Variants in NXPE2 observed in about 807,000 individuals in gnomAD.
NXPE2 encodes NXPE family member 2.
In NXPE2, 34 loss-of-function variants were observed where a neutral mutation model predicts 34.4. The ratio of observed to expected loss-of-function variants is 0.99; its 90% confidence interval spans 0.75 to 1.31. The LOEUF (loss-of-function observed/expected upper bound fraction) is 1.31. Ranked by LOEUF, NXPE2 falls within the 40% of genes most tolerant of loss-of-function variation. NXPE2 has a pLI of 0.00. For missense variants in NXPE2, 649 were observed against 672.5 expected (o/e 0.97, Z 0.39); for synonymous variants, 235 against 231.3 (o/e 1.02, Z -0.15).
chr11:114,703,688 A>AGAT (rs1951413035), intron 3 of NXPE2, among the ~76,000 whole-genome samples: 1 of 24,622 alleles, frequency 4.1e-5, no homozygotes, highest in Admixed American at 3.7e-4. Context: ...ATAGATAGAT[A>AGAT]GATAGATAGA....
chr11:114,647,705 A>ATTTTTT, the NXPE2 span, among the ~76,000 whole-genome samples: 2 of 147,456 alleles, frequency 1.4e-5, no homozygotes, highest in Non-Finnish European at 1.5e-5. Flanking sequence ...ATTTTATTTT[A>ATTTTTT]TTTTTTTTTT....
the NXPE2 span, among the ~76,000 whole-genome samples, chr11:114,593,552 G>T: frequency 2.0e-5 from 3 of 152,048 alleles, no homozygotes; most frequent in Admixed American, 1.3e-4. Flanking sequence ...GTGGAGAAAA[G>T]GGAACACTTG....
chr11:114,772,556 G>T, the NXPE2 span, among the ~76,000 whole-genome samples: 2 of 152,140 alleles, frequency 1.3e-5, no homozygotes, highest in Middle Eastern at 6.8e-3. Context: ...TCTTTGAAGG[G>T]TTAATTTGCC....
chr11:114,728,095 T>G, the NXPE2 span, among the ~76,000 whole-genome samples: 2 of 152,078 alleles, frequency 1.3e-5, no homozygotes. Context: ...AAATCAGCAA[T>G]GTAACGTCCT....
chr11:114,601,564 T>TTATATATAA, the NXPE2 span, among the ~76,000 whole-genome samples: 9 of 98,716 alleles, frequency 9.1e-5, no homozygotes, highest in African/African-American at 3.3e-4. Flanking sequence ...TTATATATAA[T>TTATATATAA]TATATATTAT....
chr11:114,472,626 G>A, the NXPE2 span, among the ~76,000 whole-genome samples: 2 of 152,240 alleles, frequency 1.3e-5, no homozygotes, highest in East Asian at 3.9e-4. Flanking sequence ...TAGAGGCTGG[G>A]AAGTCCAAGA....
chr11:114,565,121 C>T, the NXPE2 span, among the ~76,000 whole-genome samples: 132 of 152,278 alleles, frequency 8.7e-4, no homozygotes, highest in African/African-American at 3.0e-3. Context: ...TTTTAGCCAT[C>T]AATGGAAAAT....
At chr11:114,780,069 G>T in the NXPE2 span, among the ~76,000 whole-genome samples, 28 of 152,290 alleles carry the variant, frequency 1.8e-4, no homozygotes, top group South Asian at 8.3e-4. Context: ...TGTGTCCACT[G>T]CCTCCCCGTC....
At chr11:114,523,141 C>G in the NXPE2 span, 1 of 1,336,804 alleles carries the variant, frequency 7.5e-7, no homozygotes, top group South Asian at 1.2e-5. Flanking sequence ...ACTTAGACAT[C>G]TAGCCTTCTT....
the NXPE2 span, among the ~76,000 whole-genome samples, chr11:114,593,111 T>C: frequency 2.0e-5 from 3 of 152,210 alleles, no homozygotes; most frequent in East Asian, 5.8e-4. Flanking sequence ...AGGACACTGA[T>C]GTAGCCAGAG....
At chr11:114,504,366 C>T in the NXPE2 span, among the ~76,000 whole-genome samples, 5 of 152,236 alleles carry the variant, frequency 3.3e-5, no homozygotes, top group South Asian at 1.0e-3. Context: ...AGACCTGTGC[C>T]ACCCCAAGCC....
the NXPE2 span, among the ~76,000 whole-genome samples, chr11:114,640,759 A>G: frequency 6.6e-6 from 1 of 151,992 alleles, no homozygotes; most frequent in Non-Finnish European, 1.5e-5. Context: ...TCTTCTTTTG[A>G]AAAATGTGTG....
chr11:114,687,362 AAT>A (rs887026360), intron 2 of NXPE2, among the ~76,000 whole-genome samples: 26 of 152,196 alleles, frequency 1.7e-4, no homozygotes, highest in Admixed American at 7.9e-4. Flanking sequence ...CCATTTATTG[AAT>A]ACGTTATCCT....
At chr11:114,580,199 T>C in the NXPE2 span, 1 of 1,613,962 alleles carries the variant, frequency 6.2e-7, no homozygotes, top group Non-Finnish European at 8.5e-7. Flanking sequence ...GGTATATGAG[T>C]TTTCCTCTCA....
the NXPE2 span, among the ~76,000 whole-genome samples, chr11:114,725,686 A>C: frequency 6.6e-6 from 1 of 151,906 alleles, no homozygotes; most frequent in Non-Finnish European, 1.5e-5. Flanking sequence ...TCAGTCTCTC[A>C]TCAGCATCCC....
At chr11:114,511,666 G>A in the NXPE2 span, among the ~76,000 whole-genome samples, 1 of 152,226 alleles carries the variant, frequency 6.6e-6, no homozygotes, top group South Asian at 2.1e-4. Flanking sequence ...ATGTTGAAAT[G>A]TGATCCCCAA....
At chr11:114,726,804 C>T in the NXPE2 span, among the ~76,000 whole-genome samples, 137 of 152,162 alleles carry the variant, frequency 9.0e-4, no homozygotes, top group Admixed American at 1.2e-3. Flanking sequence ...AACTCAAACA[C>T]GGTTTATCCA....
At chr11:114,811,593 G>A in the NXPE2 span, among the ~76,000 whole-genome samples, 10 of 152,290 alleles carry the variant, frequency 6.6e-5, no homozygotes, top group African/African-American at 1.9e-4. Context: ...GCAGATGGCC[G>A]GGCCTTACCC....
At chr11:114,498,388 T>C in the NXPE2 span, among the ~76,000 whole-genome samples, 1 of 152,106 alleles carries the variant, frequency 6.6e-6, no homozygotes, top group African/African-American at 2.4e-5. Flanking sequence ...CATTAGACAT[T>C]GTATGCTTGT....
Sources: allele counts gnomAD v4.1 joint callset (sites outside exome capture counted in the v4.1 genomes callset), GRCh38; gene constraint gnomAD v4.1.1; transcripts MANE v1.5; gene names NCBI Gene and HGNC (gene_info 2026-07-23, HGNC 2026-07-21).